The following MAK variants were observed in gnomAD, a reference collection of about 807,000 sequenced individuals.
MAK encodes male germ cell associated kinase.
Under a neutral mutation model 82.6 loss-of-function variants are expected in MAK, and 65 were observed. That is an observed-to-expected ratio of 0.79 (90% confidence interval 0.64 to 0.97). The LOEUF is 0.97. MAK is among the 50% of genes least tolerant of loss of function. The probability of loss-of-function intolerance (pLI) is 0.00; values close to 1 mark genes in which losing one functional copy is unlikely to be tolerated. For synonymous variants in MAK, 250 were observed against 274.2 expected, an observed-to-expected ratio of 0.91 and a Z score of 0.87; for missense variants, 703 against 780.2, an observed-to-expected ratio of 0.90 and a Z score of 1.18.
At chr6:10,790,159 G>A (rs189109849) in intron 10 of MAK, among the ~76,000 whole-genome samples, 105 of 152,318 alleles carry the variant, frequency 6.9e-4, no homozygotes, top group African/African-American at 2.4e-3. Context: ...TAGAGTGGAA[G>A]AGGACTTGAG....
At chr6:10,809,587 T>C (rs1027770893) in intron 5 of MAK, among the ~76,000 whole-genome samples, 2 of 152,212 alleles carry the variant, frequency 1.3e-5, no homozygotes, top group African/African-American at 2.4e-5. Context: ...AGCTGACTTC[T>C]TGAGAAAAAT....
intron 4 of MAK, 81 bp from the exon 5 acceptor site, chr6:10,813,804 T>G: frequency 1.2e-6 from 1 of 801,650 alleles, no homozygotes; most frequent in Non-Finnish European, 2.3e-6. Context: ...CCCCCTGCCT[T>G]GGAGCCTCTA....
chr6:10,775,217 G>A, intron 12 of MAK, 111 bp downstream of exon 12: 2 of 1,322,136 alleles, frequency 1.5e-6, no homozygotes, highest in Non-Finnish European at 2.1e-6. Flanking sequence ...AAACCTTTGT[G>A]TATCTCCCAA....
Position 10,764,318 on chromosome 6 carries a change from G to A in MAK, c.*134C>T. On this transcript the variant is annotated 3_prime_UTR_variant, in exon 15 of 15. Transcript: ENST00000354489. ...ATAAGTAAAATAGGGGATGATTTTT[G>A]CCCTTCCAAGTACCCACTTTTGCAT... The A allele has an allele frequency of 1.2e-6, 1 of 854,136 alleles. No individual in the cohort carries two copies. Among genetic ancestry groups the A allele is most frequent in the Non-Finnish European group, 1.8e-6 (1 of 554,746 alleles). 52.9% of individuals were successfully genotyped at this position (854,136 alleles called of 1,614,324 possible). A position where few individuals can be genotyped will look rare whatever the true frequency, so the allele number is the denominator to read the frequency against.
intron 2 of MAK, chr6:10,826,688 T>C (rs1469609730): frequency 6.6e-6 from 1 of 152,236 alleles, no homozygotes; most frequent in Non-Finnish European, 1.5e-5. Context: ...GAATATAAAA[T>C]GCTCAGCTAA....
rs1225160623 is a variant in MAK, at chr6:10,776,524, G to A, written c.1466-1065C>T. 6.6e-6 allele frequency among the ~76,000 whole-genome samples: 1 copy of A among 152,130 alleles called. No individual in the cohort carries two copies. The highest frequency in any genetic ancestry group is 1.5e-5 in the Non-Finnish European group (1 of 68,028). On this transcript the variant is annotated intron_variant, in intron 11 of 14. Transcript: ENST00000354489. The surrounding 1 kb of genome is among the most constrained non-coding windows in gnomAD (Gnocchi z 4.3). Reference sequence around the variant, plus strand: ...TCACGGAGAGTTTTCTTTATCTAGTGTAGAAATCATCACTGAGGACTCCAC... The same window carrying A: ...TCACGGAGAGTTTTCTTTATCTAGTATAGAAATCATCACTGAGGACTCCAC...
intron 8 of MAK, among the ~76,000 whole-genome samples, chr6:10,798,955 G>A (rs985260752): frequency 2.0e-5 from 3 of 151,812 alleles, no homozygotes; most frequent in Admixed American, 6.6e-5. Flanking sequence ...TCAGCCTCCC[G>A]AGTAGCTGAG....
rs932606197 is a variant in MAK at position 10,803,823 on chromosome 6, C to G, written c.560G>C (p.Gly187Ala). The G allele has an allele frequency of 6.2e-7, 1 of 1,613,854 alleles. No homozygotes were observed. Among genetic ancestry groups the G allele is most frequent in the Admixed American group, 1.7e-5 (1 of 59,980 alleles). Residue 187 changes from glycine (G) to alanine (A), a missense_variant, in exon 7 of 15, where the codon GGA (glycine) becomes GCA (alanine). Physicochemically the swap from Gly to Ala is moderately conservative, Grantham distance 60 (BLOSUM62 0). Coordinates refer to ENST00000354489, the MANE Select transcript of MAK (RefSeq NM_001242957.3). ...CATATAGAGTTCAGCCATGATACTTCCAACAGCCCACACATCAATGGGAGA... is the reference window on the plus strand; with the variant it reads ...CATATAGAGTTCAGCCATGATACTTGCAACAGCCCACACATCAATGGGAGA... ...YSSPIDVWAV[G>A]SIMAELYMLR...
At chr6:10,771,666 C>T (rs1320051797) in intron 13 of MAK, among the ~76,000 whole-genome samples, 2 of 152,224 alleles carry the variant, frequency 1.3e-5, no homozygotes, top group African/African-American at 4.8e-5. Flanking sequence ...TATCAGGCTT[C>T]AACAGGTGTC....
At chr6:10,811,639 C>A (rs1776940357) in intron 5 of MAK, among the ~76,000 whole-genome samples, 1 of 152,078 alleles carries the variant, frequency 6.6e-6, no homozygotes, top group Non-Finnish European at 1.5e-5. Flanking sequence ...AGCAGATGTC[C>A]CTTATTTCCA....
At chr6:10,824,675 G>A (rs931969261) in intron 2 of MAK, among the ~76,000 whole-genome samples, 9 of 152,276 alleles carry the variant, frequency 5.9e-5, no homozygotes, top group Middle Eastern at 3.4e-3. Flanking sequence ...ATTCGTCCAT[G>A]TAATTTCAGG....
intron 10 of MAK, among the ~76,000 whole-genome samples, chr6:10,785,646 G>A (rs1477085636): frequency 3.3e-5 from 5 of 152,232 alleles, no homozygotes; most frequent in South Asian, 2.1e-4. Context: ...GCCCACTGCT[G>A]TTATATCACT....
At position 10,776,468 on chromosome 6, in the gene MAK, T is replaced by C. The variant is rs557784825; in HGVS notation, c.1466-1009A>G. Among the ~76,000 whole-genome samples the C allele has an allele frequency of 1.2e-4, 18 of 152,210 alleles. No homozygotes were observed. The highest frequency in any genetic ancestry group is 4.3e-4 in the African/African-American group (18 of 41,520). ...CTTTTCACTGATAATTAAATTAGAG[T>C]GAACTTGAGCAGTCTATGCCTTTTG... On this transcript the variant is annotated intron_variant, in intron 11 of 14. Transcript: ENST00000354489. This position sits in a 1 kb window ranked among gnomAD's most constrained non-coding sequence, Gnocchi z 4.3.
At chr6:10,788,262 G>A (rs1208340278) in intron 10 of MAK, among the ~76,000 whole-genome samples, 1 of 151,902 alleles carries the variant, frequency 6.6e-6, no homozygotes, top group East Asian at 1.9e-4. Flanking sequence ...AAAGTGCTAG[G>A]TTTATAAGTA....
At chr6:10,771,963 T>A (rs1229847085) in intron 13 of MAK, among the ~76,000 whole-genome samples, 1 of 152,244 alleles carries the variant, frequency 6.6e-6, no homozygotes, top group Non-Finnish European at 1.5e-5. Flanking sequence ...GAGCAAACAC[T>A]TATTAAATGC....
chr6:10,772,083 G>C (rs1289953543), intron 13 of MAK, among the ~76,000 whole-genome samples: 2 of 152,204 alleles, frequency 1.3e-5, no homozygotes, highest in African/African-American at 4.8e-5. Context: ...AACCACAAAA[G>C]CTGGTGAGTG....
chr6:10,800,407 A>G lies in MAK; in HGVS notation c.831+1485T>C, dbSNP rs1374710816. On this transcript the variant is annotated intron_variant, in intron 8 of 14. Transcript: ENST00000354489. This position sits in a 1 kb window ranked among gnomAD's most constrained non-coding sequence, Gnocchi z 4.2. ...TAGAGAAAAATTTTACTTTTTATGT[A>G]ATCAAATTGTTTGAATCTTCCTTTT... 6.6e-6 allele frequency among the ~76,000 whole-genome samples: 1 copy of G among 152,180 alleles called. No homozygotes were observed. The highest frequency in any genetic ancestry group is 1.5e-5 in the Non-Finnish European group (1 of 68,034).
chr6:10,805,933 C>T (rs1776406519), intron 6 of MAK, among the ~76,000 whole-genome samples: 1 of 152,090 alleles, frequency 6.6e-6, no homozygotes, highest in South Asian at 2.1e-4. Context: ...GTGGTCTGAC[C>T]TCATCTTAAT....
chr6:10,834,352 A>C (rs1779013347), intron 1 of MAK, among the ~76,000 whole-genome samples: 1 of 152,206 alleles, frequency 6.6e-6, no homozygotes, highest in Non-Finnish European at 1.5e-5. Flanking sequence ...TCTAGGATCA[A>C]CTAGAGAATC....
Sources: allele counts gnomAD v4.1 joint callset (sites outside exome capture counted in the v4.1 genomes callset), GRCh38; gene constraint gnomAD v4.1.1; non-coding constraint Gnocchi (gnomAD v3.1); transcripts MANE v1.5; gene names NCBI Gene and HGNC (gene_info 2026-07-23, HGNC 2026-07-21).